The following ARB2A variants were observed in gnomAD, a reference collection of about 807,000 sequenced individuals.
ARB2A encodes ARB2 cotranscriptional regulator A, also known as cotranscriptional regulator ARB2A.
chr5:93,676,597 T>G, the ARB2A span, among the ~76,000 whole-genome samples: 1 of 152,364 alleles, frequency 6.6e-6, no homozygotes, highest in Middle Eastern at 3.4e-3. Flanking sequence ...TTCACTCATA[T>G]GAACAAATAC....
At chr5:93,883,924 TACACACACACACACACAC>T in the ARB2A span, among the ~76,000 whole-genome samples, 2 of 133,904 alleles carry the variant, frequency 1.5e-5, no homozygotes, top group African/African-American at 2.8e-5. Context: ...CACATACACA[TACACACACACACACACAC>T]ACACACACAC....
chr5:93,707,454 AAT>A, the ARB2A span, among the ~76,000 whole-genome samples: 2 of 152,106 alleles, frequency 1.3e-5, no homozygotes, highest in Non-Finnish European at 2.9e-5. Flanking sequence ...CAATTTTTTA[AAT>A]TAAAAAATTC....
the ARB2A span, among the ~76,000 whole-genome samples, chr5:93,647,055 C>T: frequency 1.3e-5 from 2 of 152,080 alleles, no homozygotes; most frequent in Non-Finnish European, 2.9e-5. Context: ...GTAGTATGTA[C>T]TTCCCAACAG....
At chr5:94,023,374 T>A in the ARB2A span, among the ~76,000 whole-genome samples, 1 of 152,088 alleles carries the variant, frequency 6.6e-6, no homozygotes, top group South Asian at 2.1e-4. Flanking sequence ...GAAGAAGAAA[T>A]AATAGCTGAA....
the ARB2A span, chr5:93,958,942 C>T: frequency 6.3e-7 from 1 of 1,599,610 alleles, no homozygotes; most frequent in Admixed American, 1.7e-5. Context: ...AGATAAAACT[C>T]TTTGGTTCAC....
At chr5:94,041,470 T>C in the ARB2A span, among the ~76,000 whole-genome samples, 2 of 152,142 alleles carry the variant, frequency 1.3e-5, no homozygotes, top group African/African-American at 4.8e-5. Context: ...TGTGTATTTA[T>C]ATGTGTTGTG....
the ARB2A span, among the ~76,000 whole-genome samples, chr5:93,969,922 C>CT: frequency 1.3e-5 from 2 of 152,008 alleles, no homozygotes; most frequent in African/African-American, 2.4e-5. Flanking sequence ...CTAGAAGGTA[C>CT]TACAGATCCT....
the ARB2A span, among the ~76,000 whole-genome samples, chr5:93,650,902 G>A: frequency 9.9e-5 from 15 of 152,070 alleles, no homozygotes; most frequent in Non-Finnish European, 1.2e-4. Flanking sequence ...TGAGGCAGGA[G>A]GATTGCTTGA....
chr5:93,768,887 C>T, the ARB2A span, among the ~76,000 whole-genome samples: 1 of 151,864 alleles, frequency 6.6e-6, no homozygotes, highest in African/African-American at 2.4e-5. Flanking sequence ...CTTGGCCCTC[C>T]CTACATGTTA....
At chr5:93,964,377 G>A in the ARB2A span, 2 of 1,080,628 alleles carry the variant, frequency 1.9e-6, no homozygotes. Context: ...CAAAACAAAA[G>A]TTTTCTTCTG....
the ARB2A span, among the ~76,000 whole-genome samples, chr5:93,636,601 A>C: frequency 6.6e-6 from 1 of 152,208 alleles, no homozygotes; most frequent in African/African-American, 2.4e-5. Context: ...CCCAGACTTC[A>C]GAACTGTAGG....
the ARB2A span, among the ~76,000 whole-genome samples, chr5:94,078,724 G>A: frequency 1.3e-5 from 2 of 151,922 alleles, no homozygotes; most frequent in African/African-American, 2.4e-5. Context: ...TAATTCCTTA[G>A]TTTCCCAAGC....
the ARB2A span, among the ~76,000 whole-genome samples, chr5:93,871,056 T>G: frequency 6.6e-6 from 1 of 152,216 alleles, no homozygotes; most frequent in Admixed American, 6.5e-5. Flanking sequence ...ATGAACAAAG[T>G]AAGCCTGACA....
chr5:93,800,896 G>C, the ARB2A span, among the ~76,000 whole-genome samples: 2 of 152,046 alleles, frequency 1.3e-5, no homozygotes, highest in African/African-American at 2.4e-5. Context: ...AGCTGAAATA[G>C]AGAATGAAAT....
At chr5:93,977,763 A>T in the ARB2A span, among the ~76,000 whole-genome samples, 1 of 152,284 alleles carries the variant, frequency 6.6e-6, no homozygotes, top group Middle Eastern at 3.4e-3. Flanking sequence ...AAAATTGACA[A>T]CTGGGACCTA....
chr5:93,630,160 C>T, the ARB2A span, among the ~76,000 whole-genome samples: 1 of 152,046 alleles, frequency 6.6e-6, no homozygotes, highest in Non-Finnish European at 1.5e-5. Context: ...AGAACAATAT[C>T]CTTTTTGAAA....
At chr5:93,789,326 G>A in the ARB2A span, among the ~76,000 whole-genome samples, 3 of 152,054 alleles carry the variant, frequency 2.0e-5, no homozygotes, top group South Asian at 4.1e-4. Flanking sequence ...CATTACTACC[G>A]TATGAGCATG....
chr5:93,864,340 G>A, the ARB2A span, among the ~76,000 whole-genome samples: 1 of 152,112 alleles, frequency 6.6e-6, no homozygotes, highest in Non-Finnish European at 1.5e-5. Flanking sequence ...AAAATAATTA[G>A]TTAAGGGATA....
At chr5:93,770,187 A>C in the ARB2A span, among the ~76,000 whole-genome samples, 1 of 152,150 alleles carries the variant, frequency 6.6e-6, no homozygotes, top group Non-Finnish European at 1.5e-5. Flanking sequence ...GGTTGTTTTT[A>C]CTCAGGCTGT....
Sources: allele counts gnomAD v4.1 joint callset (sites outside exome capture counted in the v4.1 genomes callset), GRCh38; gene constraint gnomAD v4.1.1; transcripts MANE v1.5; gene names NCBI Gene and HGNC (gene_info 2026-07-23, HGNC 2026-07-21).